JDP2: variants seen among roughly 807,000 people sequenced by gnomAD.
JDP2 encodes the protein progesterone receptor co-activator.
A neutral mutation model predicts 17.1 loss-of-function variants in JDP2; 9 were observed. The observed-to-expected ratio is 0.53, with a 90% confidence interval of 0.32 to 0.92. The LOEUF is 0.92. Ranked by LOEUF, JDP2 falls within the 40% of genes least tolerant of loss-of-function variation. The pLI, the probability that JDP2 is intolerant of heterozygous loss-of-function variation, is 0.04. For synonymous variants in JDP2, 107 were observed against 95.6 expected (o/e 1.12, Z -0.69); for missense variants, 179 against 220.0 (o/e 0.81, Z 1.18).
In JDP2 at chr14:75,430,115, G is replaced by C. The variant is rs1419612641; in HGVS notation, c.-24+1863G>C. On this transcript the variant is annotated intron_variant, in intron 1 of 3. Coordinates refer to ENST00000651602, the MANE Select transcript of JDP2 (RefSeq NM_001135048.2). The surrounding 1 kb of genome is among the most constrained non-coding windows in gnomAD (Gnocchi z 4.5). ...GGGAATGCTCCTCCTGACTCCCTGG[G>C]TTTGTTGTCATCTCCCTACCTGTTT... Among the ~76,000 whole-genome samples, 3 of 152,190 alleles carry C rather than the reference G, an allele frequency of 2.0e-5. No homozygotes were observed. Among genetic ancestry groups the C allele is most frequent in the African/African-American group, 7.2e-5 (3 of 41,434 alleles).
chr14:75,433,547 C>CCT (rs34746396), intron 1 of JDP2, among the ~76,000 whole-genome samples: 1 of 116,686 alleles, frequency 8.6e-6, no homozygotes, highest in African/African-American at 3.6e-5. Flanking sequence ...GCTCTCAGAC[C>CCT]TTTTTTTTTT....
intron 1 of JDP2, chr14:75,432,359 G>T: frequency 6.4e-7 from 1 of 1,550,584 alleles, no homozygotes. Context: ...ATGACCCCTG[G>T]CCTGGCACCT....
intron 1 of JDP2, among the ~76,000 whole-genome samples, chr14:75,437,222 C>T (rs1885109015): frequency 6.6e-6 from 1 of 151,540 alleles, no homozygotes; most frequent in East Asian, 1.9e-4. Context: ...TACTGGGTTC[C>T]ACAGGGAAAG....
At chr14:75,440,121 G>T (rs1043389732) in intron 2 of JDP2, among the ~76,000 whole-genome samples, 2 of 152,120 alleles carry the variant, frequency 1.3e-5, no homozygotes, top group East Asian at 3.8e-4. Flanking sequence ...CCCTGTACCC[G>T]ACAGTGACGT....
chr14:75,469,407 C>T lies in JDP2; in HGVS notation c.424C>T (p.Arg142Trp), dbSNP rs367738438. ...CCGACACCGCCCCACCTGCATCGTC[C>T]GGACCGACAGTGTCAAGACCCCCGA... is the stretch of plus-strand genomic sequence containing the variant. ...LNRHRPTCIV[R>W]TDSVKTPESE... The change falls in exon 4 of 4, where the codon CGG (arginine) becomes TGG (tryptophan). Residue 142 changes from arginine to tryptophan, a missense_variant. Physicochemically the swap from Arg to Trp is moderately radical, Grantham distance 101. Transcript: ENST00000651602. 1.4e-4 allele frequency: 230 copies of T among 1,614,016 alleles called. No homozygotes were observed. Among genetic ancestry groups the T allele is most frequent in the Non-Finnish European group, 1.9e-4 (221 of 1,180,036 alleles).
intron 2 of JDP2, among the ~76,000 whole-genome samples, chr14:75,445,922 G>A (rs540850189): frequency 6.6e-6 from 1 of 152,314 alleles, no homozygotes; most frequent in Admixed American, 6.5e-5. Flanking sequence ...TAAGGGACTT[G>A]TATCTAGAAT....
chr14:75,459,573 T>G (rs1886262593), intron 2 of JDP2, among the ~76,000 whole-genome samples: 1 of 152,216 alleles, frequency 6.6e-6, no homozygotes, highest in African/African-American at 2.4e-5. Flanking sequence ...CCCCAGAGCA[T>G]GCTGGGAGTG....
At chr14:75,456,586 C>T (rs2139985368) in intron 2 of JDP2, among the ~76,000 whole-genome samples, 1 of 152,286 alleles carries the variant, frequency 6.6e-6, no homozygotes, top group South Asian at 2.1e-4. Flanking sequence ...CCTCTCTTTG[C>T]CTGTTTCTTT....
In JDP2 at chr14:75,429,513, G is replaced by A. The variant is rs111532667; in HGVS notation, c.-24+1261G>A. On this transcript the variant is annotated intron_variant, in intron 1 of 3. Coordinates refer to ENST00000651602, the MANE Select transcript of JDP2 (RefSeq NM_001135048.2). ...AGCCCTTGGTAGAAACTGCATTCGC[G>A]TATCATCTCCCTTCCCCCCAACCTT... Among the ~76,000 whole-genome samples, 1,034 of 152,156 alleles carry A rather than the reference G, an allele frequency of 6.8e-3. 14 individuals carry two copies. The highest frequency in any genetic ancestry group is 0.024 in the African/African-American group (1,003 of 41,500).
intron 2 of JDP2, among the ~76,000 whole-genome samples, chr14:75,457,936 G>C (rs1307104392): frequency 6.6e-6 from 1 of 152,224 alleles, no homozygotes; most frequent in African/African-American, 2.4e-5. Flanking sequence ...TGTAATGAAA[G>C]AATCTAAGCC....
chr14:75,436,654 G>A (rs1430951709), intron 1 of JDP2, among the ~76,000 whole-genome samples: 1 of 152,240 alleles, frequency 6.6e-6, no homozygotes, highest in African/African-American at 2.4e-5. Context: ...GTAACTGGAT[G>A]GATGGGTAGG....
intron 2 of JDP2, among the ~76,000 whole-genome samples, chr14:75,452,732 AG>A (rs1389192326): frequency 6.6e-6 from 1 of 152,150 alleles, no homozygotes; most frequent in African/African-American, 2.4e-5. Context: ...CCATGGCAGG[AG>A]GGGTGGCCAC....
intron 3 of JDP2, among the ~76,000 whole-genome samples, chr14:75,465,098 T>C (rs1290170983): frequency 6.6e-6 from 1 of 152,186 alleles, no homozygotes; most frequent in Non-Finnish European, 1.5e-5. Flanking sequence ...ACCTGGGGCT[T>C]CCTCTGTGCC....
At chr14:75,439,181 G>A (rs1203960982) in intron 2 of JDP2, among the ~76,000 whole-genome samples, 5 of 152,150 alleles carry the variant, frequency 3.3e-5, no homozygotes, top group Admixed American at 3.3e-4. Context: ...GGGAGAGCTG[G>A]GGATATTAGG....
chr14:75,466,591 G>C (rs577228802), intron 3 of JDP2, among the ~76,000 whole-genome samples: 47 of 152,310 alleles, frequency 3.1e-4, no homozygotes, highest in African/African-American at 1.0e-3. Context: ...ACACTGCACT[G>C]ATCTTTGTGT....
intron 3 of JDP2, among the ~76,000 whole-genome samples, chr14:75,465,651 T>TA (rs1217525930): frequency 6.6e-6 from 1 of 152,074 alleles, no homozygotes; most frequent in African/African-American, 2.4e-5. Flanking sequence ...TCTTAATGCT[T>TA]AAAGTCCCCT....
At chr14:75,462,056 G>A (rs975508951) in intron 3 of JDP2, among the ~76,000 whole-genome samples, 3 of 152,202 alleles carry the variant, frequency 2.0e-5, no homozygotes, top group East Asian at 1.9e-4. Flanking sequence ...TGACCTCCAA[G>A]CTCTTTGCTG....
chr14:75,446,041 G>A (rs1885584879), intron 2 of JDP2, among the ~76,000 whole-genome samples: 1 of 151,954 alleles, frequency 6.6e-6, no homozygotes, highest in Admixed American at 6.6e-5. Context: ...TGGCAACTAA[G>A]CACATGAAAA....
chr14:75,447,484 T>C (rs1302422718), intron 2 of JDP2, among the ~76,000 whole-genome samples: 1 of 152,160 alleles, frequency 6.6e-6, no homozygotes, highest in Non-Finnish European at 1.5e-5. Flanking sequence ...CACATGCTCA[T>C]ACCTATTAGT....
Sources: allele counts gnomAD v4.1 joint callset (sites outside exome capture counted in the v4.1 genomes callset), GRCh38; gene constraint gnomAD v4.1.1; non-coding constraint Gnocchi (gnomAD v3.1); transcripts MANE v1.5; gene names NCBI Gene and HGNC (gene_info 2026-07-23, HGNC 2026-07-21).